ZMYM4: variants seen among roughly 807,000 people sequenced by gnomAD.
The protein encoded by ZMYM4 is zinc finger MYM-type protein 4.
In ZMYM4, 31 loss-of-function variants were observed where a neutral mutation model predicts 183.2. That is an observed-to-expected ratio of 0.17 (90% CI 0.13 to 0.23). The LOEUF is 0.23. Among genes scored for constraint, ZMYM4 ranks in the 10% least tolerant of loss-of-function variants. The pLI is 1.00. For synonymous variants in ZMYM4, 592 were observed against 631.2 expected, an observed-to-expected ratio of 0.94 and a Z score of 0.93; for missense variants, 1,273 against 1,840.3, an observed-to-expected ratio of 0.69 and a Z score of 5.64.
chr1:35,343,693 C>A (rs1164316317), intron 2 of ZMYM4, among the ~76,000 whole-genome samples: 1 of 151,916 alleles, frequency 6.6e-6, no homozygotes, highest in Non-Finnish European at 1.5e-5. Flanking sequence ...GGTGAAACCC[C>A]ATCTCTACTA....
At position 35,274,715 on chromosome 1, in the gene ZMYM4, A is replaced by G. The variant is rs1639786168; in HGVS notation, c.39+5630A>G. On this transcript the variant is annotated intron_variant, in intron 1 of 29. Transcript: ENST00000314607. ...TTCCCATCTTGTAATAAGCAGAGACATCTATAAATAATGATAATACTTGGT... is the reference window on the plus strand; with the variant it reads ...TTCCCATCTTGTAATAAGCAGAGACGTCTATAAATAATGATAATACTTGGT... Among the ~76,000 whole-genome samples the G allele has an allele frequency of 2.6e-5, 4 of 151,956 alleles. No homozygotes were observed. The South Asian group carries it at 8.3e-4, about 31-fold the overall frequency.
chr1:35,392,162 A>G, intron 15 of ZMYM4, 50 bp from the exon 16 acceptor site: 1 of 1,609,244 alleles, frequency 6.2e-7, no homozygotes, highest in Non-Finnish European at 8.5e-7. Flanking sequence ...TTTCTGTGTA[A>G]GTACATATAA....
intron 15 of ZMYM4, among the ~76,000 whole-genome samples, chr1:35,391,895 G>A (rs1000575777): frequency 4.6e-5 from 7 of 151,140 alleles, no homozygotes; most frequent in African/African-American, 1.7e-4. Flanking sequence ...CAAAAAATTA[G>A]CTGGGTGTGG....
rs533601997 is a variant in ZMYM4, at chr1:35,398,040, C to G, written c.3200-373C>G. Among the ~76,000 whole-genome samples, 7 of 152,244 alleles carry G rather than the reference C, an allele frequency of 4.6e-5. No homozygotes were observed. The South Asian group carries it at 1.5e-3, about 32-fold the overall frequency. ...TGTGCTCAGTGCATTGTGTGCCTTG[C>G]CTGATTCAATCTTCATGACAGCCTT... On this transcript the variant is annotated intron_variant, in intron 20 of 29. Coordinates refer to ENST00000314607, the MANE Select transcript of ZMYM4 (RefSeq NM_005095.3).
At chr1:35,295,169 T>C (rs1640945681) in intron 1 of ZMYM4, among the ~76,000 whole-genome samples, 1 of 152,174 alleles carries the variant, frequency 6.6e-6, no homozygotes, top group Non-Finnish European at 1.5e-5. Flanking sequence ...AAATAAAACA[T>C]TTCTATAGAG....
rs1640339757 is a variant in ZMYM4 at position 35,422,000 on chromosome 1, T to C, written c.*2323T>C. ...AGAATTTGAAATCTCTTTTTCTGAT[T>C]GACCTTATTGGTATGACCCAGCAAT... On this transcript the variant is annotated 3_prime_UTR_variant, in exon 30 of 30. Transcript: ENST00000314607. 1 of 152,214 alleles carries C rather than the reference T, an allele frequency of 6.6e-6. No individual in the cohort carries two copies. The highest frequency in any genetic ancestry group is 1.5e-5 in the Non-Finnish European group (1 of 68,030). 9.4% of individuals were successfully genotyped at this position (152,214 alleles called of 1,614,324 possible). A position where few individuals can be genotyped will look rare whatever the true frequency, so the allele number is the denominator to read the frequency against.
intron 29 of ZMYM4, 54 bp downstream of exon 29, chr1:35,418,626 T>G: frequency 6.3e-7 from 1 of 1,598,972 alleles, no homozygotes; most frequent in Non-Finnish European, 8.5e-7. Context: ...TAACATATTT[T>G]GGATTTCAGA....
At chr1:35,290,331 A>G (rs1640701078) in intron 1 of ZMYM4, among the ~76,000 whole-genome samples, 2 of 152,216 alleles carry the variant, frequency 1.3e-5, no homozygotes, top group Non-Finnish European at 2.9e-5. Context: ...TACTAATTGT[A>G]CTTATGCTTA....
intron 26 of ZMYM4, among the ~76,000 whole-genome samples, chr1:35,411,377 G>C (rs548916202): frequency 6.6e-6 from 1 of 151,434 alleles, no homozygotes; most frequent in Middle Eastern, 3.2e-3. Flanking sequence ...GGATGGTCTC[G>C]ATCTCATGAC....
chr1:35,314,290 C>T (rs1641937085), intron 1 of ZMYM4, among the ~76,000 whole-genome samples: 1 of 151,620 alleles, frequency 6.6e-6, no homozygotes, highest in Admixed American at 6.6e-5. Context: ...AAATAGTTTA[C>T]TCTTTTTTTT....
intron 18 of ZMYM4, among the ~76,000 whole-genome samples, chr1:35,395,768 A>C (rs956008378): frequency 6.6e-6 from 1 of 152,216 alleles, no homozygotes; most frequent in Non-Finnish European, 1.5e-5. Context: ...TTATTTTATA[A>C]TAAAGTTTTG....
intron 2 of ZMYM4, among the ~76,000 whole-genome samples, chr1:35,347,026 T>C (rs1326652665): frequency 2.6e-5 from 4 of 152,212 alleles, no homozygotes; most frequent in African/African-American, 9.6e-5. Context: ...TATTTTGAGA[T>C]GGAGTTTTGG....
chr1:35,325,727 T>C (rs1297666203), intron 2 of ZMYM4, among the ~76,000 whole-genome samples: 1 of 152,156 alleles, frequency 6.6e-6, no homozygotes, highest in Non-Finnish European at 1.5e-5. Context: ...TCTTTTAAAA[T>C]TCTTTTTGTG....
rs574253648 is a variant in ZMYM4 at position 35,379,309 on chromosome 1, C to T, written c.1182-1950C>T. On this transcript the variant is annotated intron_variant, in intron 7 of 29. Coordinates refer to ENST00000314607, the MANE Select transcript of ZMYM4 (RefSeq NM_005095.3). ...AGAGATGGGATTTCACCATGTTGGC[C>T]AGAATGGTCTGGATCTCTTGACCTT... Among the ~76,000 whole-genome samples the T allele has an allele frequency of 2.6e-5, 4 of 152,308 alleles. No individual in the cohort carries two copies. In the South Asian group the frequency reaches 8.3e-4, roughly 32 times the overall value.
chr1:35,388,822 C>A, intron 13 of ZMYM4, 88 bp from the exon 14 acceptor site: 1 of 1,227,442 alleles, frequency 8.1e-7, no homozygotes, highest in Non-Finnish European at 1.2e-6. Context: ...AGGTGTGAGC[C>A]ACTGCACCGG....
At chr1:35,328,633 G>A (rs1036525052) in intron 2 of ZMYM4, among the ~76,000 whole-genome samples, 3 of 151,812 alleles carry the variant, frequency 2.0e-5, no homozygotes, top group East Asian at 1.9e-4. Flanking sequence ...GTTGCAAATG[G>A]TGCAATAAAG....
chr1:35,286,675 T>G (rs1367345050), intron 1 of ZMYM4, among the ~76,000 whole-genome samples: 1 of 149,422 alleles, frequency 6.7e-6, no homozygotes, highest in African/African-American at 2.5e-5. Context: ...CACGGCTCAC[T>G]GAAGGCTTGA....
intron 1 of ZMYM4, among the ~76,000 whole-genome samples, chr1:35,318,958 C>T (rs1642170042): frequency 6.6e-6 from 1 of 152,196 alleles, no homozygotes; most frequent in South Asian, 2.1e-4. Flanking sequence ...ATGATGTTGG[C>T]TCACCACAAC....
Position 35,269,010 on chromosome 1 carries a change from G to A in ZMYM4, c.-37G>A. ...GGGGCCGAGAGGTACCGCCGCCACC[G>A]CGCGGGGAGCCGCAGCGGTTCCGAG... is the stretch of plus-strand genomic sequence containing the variant. On this transcript the variant is annotated 5_prime_UTR_variant, in exon 1 of 30. Coordinates refer to ENST00000314607, the MANE Select transcript of ZMYM4 (RefSeq NM_005095.3). 1.3e-6 allele frequency: 2 copies of A among 1,521,030 alleles called. No individual in the cohort carries two copies. Among genetic ancestry groups the A allele is most frequent in the Non-Finnish European group, 1.8e-6 (2 of 1,134,392 alleles). 94.2% of individuals were successfully genotyped at this position (1,521,030 alleles called of 1,614,324 possible). A position where few individuals can be genotyped will look rare whatever the true frequency, so the allele number is the denominator to read the frequency against.
Sources: gnomAD v4.1 joint callset for allele counts (sites outside exome capture counted in the v4.1 genomes callset) on GRCh38, gnomAD v4.1.1 for gene constraint, MANE v1.5 for transcripts, NCBI Gene and HGNC (gene_info 2026-07-23, HGNC 2026-07-21) for gene names.